ARHGEF12: variants seen among roughly 807,000 people sequenced by gnomAD.
ARHGEF12 encodes the protein KMT2A/ARHGEF12 fusion protein.
ARHGEF12 carries 66 observed loss-of-function variants against 211.2 expected under a neutral mutation model. That is an observed-to-expected ratio of 0.31 (90% CI 0.26 to 0.38). The LOEUF is 0.38. Among genes scored for constraint, ARHGEF12 ranks in the 10% least tolerant of loss-of-function variants. The probability of loss-of-function intolerance (pLI) is 1.00; values close to 1 mark genes in which losing one functional copy is unlikely to be tolerated. For synonymous variants in ARHGEF12, 592 were observed against 638.4 expected (o/e 0.93, Z 1.09); for missense variants, 1,429 against 1,869.5 (o/e 0.76, Z 4.34).
chr11:120,397,014 G>A (rs1310927856), intron 1 of ARHGEF12, among the ~76,000 whole-genome samples: 2 of 152,152 alleles, frequency 1.3e-5, no homozygotes, highest in African/African-American at 4.8e-5. Flanking sequence ...GTCTTCCAAT[G>A]TGTTGGTGTT....
intron 30 of ARHGEF12, among the ~76,000 whole-genome samples, chr11:120,470,251 A>C (rs932333526): frequency 4.3e-4 from 65 of 152,232 alleles, no homozygotes; most frequent in Non-Finnish European, 6.8e-4. Context: ...AGGGTGGTGG[A>C]TGAAAGAGCC....
chr11:120,421,708 A>G (rs1945198139), intron 5 of ARHGEF12, 95 bp from the exon 6 acceptor site: 2 of 1,178,372 alleles, frequency 1.7e-6, no homozygotes, highest in East Asian at 2.4e-5. Context: ...AGGACAGCCC[A>G]TGTTTTTAAC....
intron 1 of ARHGEF12, among the ~76,000 whole-genome samples, chr11:120,395,227 T>C (rs947966255): frequency 1.3e-5 from 2 of 151,928 alleles, no homozygotes; most frequent in Admixed American, 1.3e-4. Context: ...ACATAAAATA[T>C]ATATGCACTC....
intron 7 of ARHGEF12, among the ~76,000 whole-genome samples, chr11:120,425,229 G>A (rs1945304234): frequency 6.6e-6 from 1 of 152,094 alleles, no homozygotes; most frequent in African/African-American, 2.4e-5. Context: ...GATGGGGTGG[G>A]TCATCTGAAT....
chr11:120,457,158 C>T lies in ARHGEF12; in HGVS notation c.2097C>T (p.Thr699=), dbSNP rs770289077. The T allele has an allele frequency of 1.8e-5, 29 of 1,613,880 alleles. No individual in the cohort carries two copies. Among genetic ancestry groups the T allele is most frequent in the Non-Finnish European group, 2.3e-5 (27 of 1,179,962 alleles). ...QVGETSAPGD[T]LDGTPRTLNT... ...GAGAAACATCAGCACCTGGAGACAC[C>T]TTAGATGGCACACCTCGTACTCTCA... The change falls in exon 23 of 41, where the codon ACC becomes ACT. Residue 699 remains threonine (T), a synonymous_variant. Coordinates refer to ENST00000397843, the MANE Select transcript of ARHGEF12 (RefSeq NM_015313.3).
intron 3 of ARHGEF12, chr11:120,408,426 T>G (rs1243860806): frequency 2.0e-5 from 3 of 152,142 alleles, no homozygotes; most frequent in African/African-American, 7.2e-5. Flanking sequence ...ACATCTAGGC[T>G]TTTTCCTTTT....
chr11:120,482,833 A>G (rs908599867), intron 39 of ARHGEF12, among the ~76,000 whole-genome samples: 1 of 151,900 alleles, frequency 6.6e-6, no homozygotes, highest in Non-Finnish European at 1.5e-5. Flanking sequence ...CAGAGACTTG[A>G]GGGGTAGATT....
intron 15 of ARHGEF12, among the ~76,000 whole-genome samples, chr11:120,442,427 T>TATATAC (rs1156564301): frequency 2.2e-4 from 31 of 144,050 alleles, no homozygotes; most frequent in African/African-American, 6.4e-4. Flanking sequence ...TATATATATA[T>TATATAC]ACACACACAC....
chr11:120,408,737 A>G (rs1330259259), intron 3 of ARHGEF12: 1 of 152,068 alleles, frequency 6.6e-6, no homozygotes, highest in Non-Finnish European at 1.5e-5. Context: ...AAAAAATATT[A>G]TAAATATTAT....
chr11:120,368,917 A>G (rs150029238), intron 1 of ARHGEF12, among the ~76,000 whole-genome samples: 1 of 151,778 alleles, frequency 6.6e-6, no homozygotes, highest in Non-Finnish European at 1.5e-5. Flanking sequence ...CCCAGTGTCT[A>G]TTGTTCCCTA....
chr11:120,475,344 A>G lies in ARHGEF12; in HGVS notation c.3114A>G (p.Leu1038=). The G allele has an allele frequency of 6.2e-7, 1 of 1,613,828 alleles. No homozygotes were observed. Among genetic ancestry groups the G allele is most frequent in the Non-Finnish European group, 8.5e-7 (1 of 1,179,830 alleles). Residue 1038 remains leucine, a synonymous_variant, in exon 33 of 41, where the codon TTA becomes TTG. Transcript: ENST00000397843. ...WKVNRDKTID[L]YTLLLEDILV... is the part of the protein sequence containing the mutation. ...TTTCTGCACTTTTATTTCTAGATTT[A>G]TACACGTTGCTGCTGGAAGACATTC... is the stretch of plus-strand genomic sequence containing the variant.
intron 1 of ARHGEF12, 137 bp downstream of exon 1, chr11:120,337,412 A>G: frequency 6.7e-7 from 1 of 1,499,482 alleles, no homozygotes; most frequent in Non-Finnish European, 8.9e-7. Context: ...CTGTGCAGTT[A>G]GCCTGGGGTT....
intron 1 of ARHGEF12, among the ~76,000 whole-genome samples, chr11:120,379,440 G>T (rs981228647): frequency 6.6e-6 from 1 of 151,562 alleles, no homozygotes; most frequent in African/African-American, 2.4e-5. Context: ...TAAAAGAAGT[G>T]GTGAAAGCAG....
chr11:120,485,032 T>C, intron 40 of ARHGEF12, 35 bp from the exon 41 acceptor site: 1 of 1,606,204 alleles, frequency 6.2e-7, no homozygotes, highest in Non-Finnish European at 8.5e-7. Flanking sequence ...ATTCTTTTTC[T>C]TAATATCATT....
chr11:120,419,202 C>T (rs755131906), intron 4 of ARHGEF12, among the ~76,000 whole-genome samples: 6 of 151,916 alleles, frequency 3.9e-5, no homozygotes, highest in Non-Finnish European at 5.9e-5. Flanking sequence ...CCTCATGATC[C>T]GCCCTTCTCG....
chr11:120,341,774 G>A (rs1035002025), intron 1 of ARHGEF12, among the ~76,000 whole-genome samples: 4 of 152,086 alleles, frequency 2.6e-5, no homozygotes, highest in Non-Finnish European at 4.4e-5. Context: ...GTTAAAACTT[G>A]GTTTTGATGA....
At chr11:120,398,971 G>T (rs1463483339) in intron 1 of ARHGEF12, among the ~76,000 whole-genome samples, 1 of 152,038 alleles carries the variant, frequency 6.6e-6, no homozygotes, top group East Asian at 1.9e-4. Context: ...TTCCATTAGA[G>T]TTCTACTTGG....
rs1315373728 is a variant in ARHGEF12 at position 120,347,264 on chromosome 11, C to CTGTGTGTG, written c.32+9990_32+9991insGTGTGTGT. Among the ~76,000 whole-genome samples, 2 of 112,820 alleles carry CTGTGTGTG rather than the reference C, an allele frequency of 1.8e-5. 1 individual carries two copies. Among genetic ancestry groups the CTGTGTGTG allele is most frequent in the South Asian group, 7.0e-4 (2 of 2,866 alleles). 74.0% of individuals were successfully genotyped at this position (112,820 alleles called of 152,430 possible). A position where few individuals can be genotyped will look rare whatever the true frequency, so the allele number is the denominator to read the frequency against. ...TCTCTGTTTCTCTCTCTCTCTCTCTCTCTGTCTGTGTGTGTGTGTGTGTGT... is the reference window on the plus strand; with the variant it reads ...TCTCTGTTTCTCTCTCTCTCTCTCTCTGTGTGTGTCTGTCTGTGTGTGTGTGTGTGTGT... On this transcript the variant is annotated intron_variant, in intron 1 of 40. Transcript: ENST00000397843.
chr11:120,458,981 G>C, intron 25 of ARHGEF12, 193 bp from the exon 26 acceptor site: 1 of 399,806 alleles, frequency 2.5e-6, no homozygotes. Context: ...TTATTTGTCA[G>C]TATTCAACTC....
Sources: allele counts gnomAD v4.1 joint callset (sites outside exome capture counted in the v4.1 genomes callset), GRCh38; gene constraint gnomAD v4.1.1; transcripts MANE v1.5; gene names NCBI Gene and HGNC (gene_info 2026-07-23, HGNC 2026-07-21).